Variants in DOCK4 observed in about 807,000 individuals in gnomAD.
DOCK4 encodes dedicator of cytokinesis 4.
DOCK4 carries 97 observed loss-of-function variants against 268.1 expected under a neutral mutation model. The ratio of observed to expected loss-of-function variants is 0.36; its 90% CI spans 0.31 to 0.43. DOCK4 has a LOEUF of 0.43. DOCK4 is among the 20% of genes least tolerant of loss of function. The pLI, the probability that DOCK4 is intolerant of heterozygous loss-of-function variation, is 1.00. For synonymous variants in DOCK4, 954 were observed against 887.2 expected, an observed-to-expected ratio of 1.08 and a Z score of -1.34; for missense variants, 2,145 against 2,455.7, an observed-to-expected ratio of 0.87 and a Z score of 2.67.
At chr7:111,989,192 G>A (rs749837386) in intron 5 of DOCK4, 29 bp from the exon 6 acceptor site, 6 of 1,612,834 alleles carry the variant, frequency 3.7e-6, no homozygotes, top group Non-Finnish European at 5.1e-6. Context: ...TGGAGATTTG[G>A]CAGTCAGTAC....
intron 1 of DOCK4, among the ~76,000 whole-genome samples, chr7:112,194,860 T>C (rs1311508419): frequency 6.6e-6 from 1 of 152,232 alleles, no homozygotes; most frequent in Admixed American, 6.5e-5. Flanking sequence ...AGTGTATACA[T>C]GATATTGCCT....
chr7:111,961,094 C>A (rs1467704044), intron 8 of DOCK4, among the ~76,000 whole-genome samples: 1 of 152,078 alleles, frequency 6.6e-6, no homozygotes, highest in Non-Finnish European at 1.5e-5. Flanking sequence ...CGTCTGCTTG[C>A]CTTCCTCCTA....
intron 1 of DOCK4, among the ~76,000 whole-genome samples, chr7:112,191,286 C>T (rs1026966010): frequency 1.3e-5 from 2 of 152,162 alleles, no homozygotes; most frequent in Non-Finnish European, 2.9e-5. Context: ...TTCCTCCCTG[C>T]TTCTGGTCCA....
At chr7:111,805,471 A>C (rs1418902081) in intron 30 of DOCK4, among the ~76,000 whole-genome samples, 2 of 152,244 alleles carry the variant, frequency 1.3e-5, no homozygotes, top group Non-Finnish European at 2.9e-5. Context: ...AAAATATTTC[A>C]AGCACACACA....
chr7:112,144,714 C>G (rs1453452331), intron 1 of DOCK4, among the ~76,000 whole-genome samples: 1 of 152,182 alleles, frequency 6.6e-6, no homozygotes, highest in Non-Finnish European at 1.5e-5. Flanking sequence ...GAGAAAATAT[C>G]CTAGTAGTTT....
chr7:112,166,158 A>G lies in DOCK4; in HGVS notation c.37+39944T>C, dbSNP rs536536802. On this transcript the variant is annotated intron_variant, in intron 1 of 52. Coordinates refer to ENST00000428084, the MANE Select transcript of DOCK4 (RefSeq NM_001363540.2). ...CATCAATGTCCACTATACAATCTGAACTAGGTTTCTTGGGAAACTAAAAGG... is the reference window on the plus strand; with the variant it reads ...CATCAATGTCCACTATACAATCTGAGCTAGGTTTCTTGGGAAACTAAAAGG... Among the ~76,000 whole-genome samples the G allele has an allele frequency of 7.9e-4, 120 of 152,322 alleles. 1 individual carries two copies. The highest frequency in any genetic ancestry group is 1.4e-3 in the Non-Finnish European group (98 of 68,030).
At chr7:111,838,693 T>C (rs1803432014) in intron 25 of DOCK4, among the ~76,000 whole-genome samples, 1 of 152,142 alleles carries the variant, frequency 6.6e-6, no homozygotes, top group South Asian at 2.1e-4. Context: ...GGTCAGTAGT[T>C]GCTTGGGGAT....
rs568234880 is a variant in DOCK4 at position 112,200,204 on chromosome 7, A to AT, written c.37+5897dup. On this transcript the variant is annotated intron_variant, in intron 1 of 52. Coordinates refer to ENST00000428084, the MANE Select transcript of DOCK4 (RefSeq NM_001363540.2). ...TTAACAAGTCAATTTAGTGACAAGT[A>AT]TTTTTTTTAACAAAAAAGAATAGAA... Among the ~76,000 whole-genome samples the AT allele has an allele frequency of 1.2e-4, 18 of 152,066 alleles. No homozygotes were observed. The South Asian group carries it at 2.1e-3, about 18-fold the overall frequency.
At chr7:111,814,412 A>C (rs1801389768) in intron 27 of DOCK4, among the ~76,000 whole-genome samples, 1 of 152,188 alleles carries the variant, frequency 6.6e-6, no homozygotes. Flanking sequence ...TCTGGGCTAC[A>C]GTCAGAACAT....
intron 1 of DOCK4, among the ~76,000 whole-genome samples, chr7:112,113,254 T>G (rs1241853481): frequency 1.3e-5 from 2 of 151,976 alleles, no homozygotes; most frequent in African/African-American, 4.8e-5. Flanking sequence ...GGAAGAAAAT[T>G]TGTAGTGTGT....
At chr7:111,811,654 A>T (rs1801141914) in intron 28 of DOCK4, among the ~76,000 whole-genome samples, 1 of 152,162 alleles carries the variant, frequency 6.6e-6, no homozygotes, top group Non-Finnish European at 1.5e-5. Flanking sequence ...GCAAGAATTA[A>T]AATGTATAGT....
At chr7:112,066,607 C>CATATGGATATATAAACGT (rs1554433146) in intron 1 of DOCK4, among the ~76,000 whole-genome samples, 1 of 123,358 alleles carries the variant, frequency 8.1e-6, no homozygotes, top group Admixed American at 8.1e-5. Flanking sequence ...CATATATACA[C>CATATGGATATATAAACGT]GTGTATACAT....
At chr7:111,840,530 G>GT (rs964952198) in intron 25 of DOCK4, among the ~76,000 whole-genome samples, 73 of 147,982 alleles carry the variant, frequency 4.9e-4, no homozygotes, top group East Asian at 1.2e-3. Context: ...GTGCTTTTTT[G>GT]TTTTTTTTTT....
chr7:112,092,476 C>T (rs1173319995), intron 1 of DOCK4, among the ~76,000 whole-genome samples: 1 of 152,116 alleles, frequency 6.6e-6, no homozygotes, highest in Non-Finnish European at 1.5e-5. Context: ...CTTTTGATCT[C>T]AAGTATTAGA....
At chr7:112,118,713 C>G (rs569276924) in intron 1 of DOCK4, among the ~76,000 whole-genome samples, 2 of 152,232 alleles carry the variant, frequency 1.3e-5, no homozygotes, top group East Asian at 3.9e-4. Context: ...CTGAGCCTGT[C>G]TTCAATCTAT....
At position 111,846,902 on chromosome 7, in the gene DOCK4, G is replaced by A. The variant is rs1200272182; in HGVS notation, c.2601+97C>T. 4.3e-6 allele frequency: 6 copies of A among 1,381,452 alleles called. No individual in the cohort carries two copies. In the African/African-American group the frequency reaches 5.8e-5, roughly 13 times the overall value. The allele number at this position is 1,381,452 out of a possible 1,614,324, so 85.6% of individuals were successfully genotyped here. A position where few individuals can be genotyped will look rare whatever the true frequency, so the allele number is the denominator to read the frequency against. ...GCTGGAAATAAAAGTGGGTCTCAGA[G>A]GCTTCCTCTTTAGTGCGGTTTCTTT... On this transcript the variant is annotated intron_variant, in intron 24 of 52. Coordinates refer to ENST00000428084, the MANE Select transcript of DOCK4 (RefSeq NM_001363540.2).
Position 111,998,536 on chromosome 7 carries a change from G to T in DOCK4, c.163-33C>A, listed in dbSNP as rs759908006. Reference sequence around the variant, plus strand: ...AGAAAACATGAAGGTTACGATGCCGGCTGTTAAGGCAGGGTTGGTTTCACA... The same window carrying T: ...AGAAAACATGAAGGTTACGATGCCGTCTGTTAAGGCAGGGTTGGTTTCACA... On this transcript the variant is annotated intron_variant, in intron 3 of 52. Transcript: ENST00000428084. 18 of 1,540,526 alleles carry T rather than the reference G, an allele frequency of 1.2e-5. No individual in the cohort carries two copies. The South Asian group carries it at 2.2e-4, about 19-fold the overall frequency.
At chr7:111,969,854 C>T (rs115050716) in intron 8 of DOCK4, among the ~76,000 whole-genome samples, 29 of 152,270 alleles carry the variant, frequency 1.9e-4, no homozygotes, top group African/African-American at 6.0e-4. Flanking sequence ...CTAAAGGAGA[C>T]ACAGTAGCAA....
chr7:111,863,420 G>T lies in DOCK4; in HGVS notation c.2425C>A (p.Leu809Met). 6.2e-7 allele frequency: 1 copy of T among 1,614,044 alleles called. No homozygotes were observed. The highest frequency in any genetic ancestry group is 8.5e-7 in the Non-Finnish European group (1 of 1,179,902). ...HVDDSLQAIK[L>M]QCIGKTVESQ... is the part of the protein sequence containing the mutation. ...TCCACGGTTTTGCCAATGCACTGCAGTTTGATGGCCTGCAGGGAATCATCC... is the reference window on the plus strand; with the variant it reads ...TCCACGGTTTTGCCAATGCACTGCATTTTGATGGCCTGCAGGGAATCATCC... The change falls in exon 23 of 53, where the codon CTG becomes ATG. Residue 809 changes from leucine (L) to methionine (M), a missense_variant. Physicochemically the swap from Leu to Met is conservative, Grantham distance 15. Transcript: ENST00000428084.
Sources: gnomAD v4.1 joint callset for allele counts (sites outside exome capture counted in the v4.1 genomes callset) on GRCh38, gnomAD v4.1.1 for gene constraint, MANE v1.5 for transcripts, NCBI Gene and HGNC (gene_info 2026-07-23, HGNC 2026-07-21) for gene names.